SND1: variants seen among roughly 807,000 people sequenced by gnomAD.
SND1 encodes staphylococcal nuclease and tudor domain containing 1.
A neutral mutation model predicts 121.7 loss-of-function variants in SND1; 38 were observed. That is an observed-to-expected ratio of 0.31 (90% CI 0.24 to 0.41). The LOEUF (loss-of-function observed/expected upper bound fraction) is 0.41. Among genes scored for constraint, SND1 ranks in the 10% least tolerant of loss-of-function variants. The pLI is 1.00. For synonymous variants in SND1, 401 were observed against 447.4 expected (o/e 0.90, Z 1.31); for missense variants, 868 against 1,184.6 (o/e 0.73, Z 3.92).
At chr7:128,060,679 C>T (rs907114903) in intron 16 of SND1, among the ~76,000 whole-genome samples, 2 of 152,160 alleles carry the variant, frequency 1.3e-5, no homozygotes, top group South Asian at 2.1e-4. Flanking sequence ...GGCATTTACA[C>T]CGAGGGGTGG....
At chr7:128,033,641 T>A (rs756573005) in intron 16 of SND1, among the ~76,000 whole-genome samples, 1 of 152,258 alleles carries the variant, frequency 6.6e-6, no homozygotes, top group Non-Finnish European at 1.5e-5. Flanking sequence ...GAGTCCCCAT[T>A]CTTTGCCAAG....
chr7:127,999,154 C>T (rs1446774655), intron 16 of SND1: 1 of 152,124 alleles, frequency 6.6e-6, no homozygotes, highest in Non-Finnish European at 1.5e-5. Context: ...CCCAGGATGG[C>T]TGTTGGGATT....
rs28655307 is a variant in SND1, at chr7:127,914,962, C to G, written c.1527+10143C>G. ...TGATTGAATGAATTAATAAATGTAGCTGTTTTAAACAGTTGACGTAAGAGC... is the reference window on the plus strand; with the variant it reads ...TGATTGAATGAATTAATAAATGTAGGTGTTTTAAACAGTTGACGTAAGAGC... On this transcript the variant is annotated intron_variant, in intron 14 of 23. Coordinates refer to ENST00000354725, the MANE Select transcript of SND1 (RefSeq NM_014390.4). Among the ~76,000 whole-genome samples the G allele has an allele frequency of 9.6e-4, 146 of 152,212 alleles. 1 individual carries two copies. Among genetic ancestry groups the G allele is most frequent in the African/African-American group, 3.4e-3 (140 of 41,538 alleles).
intron 16 of SND1, among the ~76,000 whole-genome samples, chr7:128,002,639 A>T (rs1169376363): frequency 1.3e-5 from 2 of 152,168 alleles, no homozygotes; most frequent in Non-Finnish European, 2.9e-5. Flanking sequence ...GTATTTGGAG[A>T]CTAATCTGCC....
chr7:127,699,575 A>G (rs1329359434), intron 4 of SND1, among the ~76,000 whole-genome samples: 3 of 152,222 alleles, frequency 2.0e-5, no homozygotes, highest in African/African-American at 7.2e-5. Flanking sequence ...CTTAATAGGT[A>G]AAATGTATTT....
intron 13 of SND1, among the ~76,000 whole-genome samples, chr7:127,893,459 T>C (rs937552541): frequency 3.3e-5 from 5 of 152,136 alleles, no homozygotes; most frequent in Non-Finnish European, 7.4e-5. Flanking sequence ...ACACAGAAGT[T>C]ATGTTAGTTC....
At chr7:128,059,255 C>G (rs1010872335) in intron 16 of SND1, among the ~76,000 whole-genome samples, 2 of 152,182 alleles carry the variant, frequency 1.3e-5, no homozygotes, top group Non-Finnish European at 2.9e-5. Flanking sequence ...TTGAACCCCC[C>G]TAGTACCTGC....
At chr7:127,899,353 G>A (rs578204117) in intron 13 of SND1, among the ~76,000 whole-genome samples, 2 of 152,064 alleles carry the variant, frequency 1.3e-5, no homozygotes, top group East Asian at 3.9e-4. Flanking sequence ...AAAAATTTCT[G>A]TTCTCCCAAC....
At chr7:127,961,512 C>T (rs986634714) in intron 15 of SND1, among the ~76,000 whole-genome samples, 1 of 152,174 alleles carries the variant, frequency 6.6e-6, no homozygotes, top group Non-Finnish European at 1.5e-5. Context: ...GTAAAAAACA[C>T]GTGCAAAAGC....
chr7:127,723,119 G>A (rs1001276878), intron 10 of SND1, among the ~76,000 whole-genome samples: 18 of 152,188 alleles, frequency 1.2e-4, no homozygotes, highest in Non-Finnish European at 2.2e-4. Context: ...CTATATAGCT[G>A]AATTTTAAGC....
chr7:128,020,643 A>G (rs1259362580), intron 16 of SND1, among the ~76,000 whole-genome samples: 2 of 152,212 alleles, frequency 1.3e-5, no homozygotes, highest in Non-Finnish European at 2.9e-5. Context: ...CAGGTCGGCC[A>G]GCCTCGATAA....
intron 11 of SND1, 128 bp from the exon 12 acceptor site, chr7:127,844,196 T>A (rs1799015697): frequency 1.9e-6 from 1 of 531,902 alleles, no homozygotes; most frequent in Non-Finnish European, 3.2e-6. Flanking sequence ...TAATTGGTTT[T>A]AAAAATCTTA....
intron 12 of SND1, among the ~76,000 whole-genome samples, chr7:127,865,995 A>C (rs1799466701): frequency 2.6e-5 from 4 of 151,642 alleles, no homozygotes; most frequent in African/African-American, 4.9e-5. Flanking sequence ...AACATGCTTA[A>C]CTCTAATGCT....
intron 14 of SND1, among the ~76,000 whole-genome samples, chr7:127,924,342 C>T (rs1263918973): frequency 1.3e-5 from 2 of 152,180 alleles, no homozygotes; most frequent in Non-Finnish European, 2.9e-5. Context: ...TCGTGATCTT[C>T]ATTATTAACA....
chr7:127,917,568 T>C (rs1176030792), intron 14 of SND1, among the ~76,000 whole-genome samples: 2 of 152,178 alleles, frequency 1.3e-5, no homozygotes, highest in Admixed American at 6.5e-5. Flanking sequence ...CTGGCTAATT[T>C]TTAAAATTTT....
intron 14 of SND1, among the ~76,000 whole-genome samples, chr7:127,910,148 G>C (rs1203875094): frequency 6.6e-6 from 1 of 152,140 alleles, no homozygotes; most frequent in Non-Finnish European, 1.5e-5. Flanking sequence ...GCTAAAGAGA[G>C]TTTTAAAAAG....
intron 14 of SND1, among the ~76,000 whole-genome samples, chr7:127,923,882 CCA>C (rs1800774723): frequency 6.6e-6 from 1 of 152,030 alleles, no homozygotes; most frequent in Admixed American, 6.6e-5. Flanking sequence ...GTTCTGATCT[CCA>C]CACTCTTTTT....
At chr7:128,061,418 A>G (rs564805558) in intron 16 of SND1, among the ~76,000 whole-genome samples, 1 of 152,338 alleles carries the variant, frequency 6.6e-6, no homozygotes, top group South Asian at 2.1e-4. Flanking sequence ...GTAAAGTGGA[A>G]GAAGGAGTGT....
At chr7:127,884,483 C>T (rs1289750000) in intron 12 of SND1, among the ~76,000 whole-genome samples, 1 of 152,118 alleles carries the variant, frequency 6.6e-6, no homozygotes, top group African/African-American at 2.4e-5. Flanking sequence ...AATAGCGGAG[C>T]GCAACAGAGA....
Sources: gnomAD v4.1 joint callset for allele counts (sites outside exome capture counted in the v4.1 genomes callset) on GRCh38, gnomAD v4.1.1 for gene constraint, MANE v1.5 for transcripts, NCBI Gene and HGNC (gene_info 2026-07-23, HGNC 2026-07-21) for gene names.